TMEM235: variants seen among roughly 807,000 people sequenced by gnomAD.
The protein encoded by TMEM235 is claudin-27.
Under a neutral mutation model 22.9 loss-of-function variants are expected in TMEM235, and 23 were observed. The ratio of observed to expected loss-of-function variants is 1.00; its 90% confidence interval spans 0.72 to 1.42. The LOEUF is 1.42. TMEM235 is among the 40% of genes most tolerant of loss of function. The pLI, the probability that TMEM235 is intolerant of heterozygous loss-of-function variation, is 0.00. For missense variants in TMEM235, 308 were observed against 299.5 expected, an observed-to-expected ratio of 1.03 and a Z score of -0.21; for synonymous variants, 137 against 140.5, an observed-to-expected ratio of 0.98 and a Z score of 0.17.
At chr17:78,232,923 G>A (rs982195254) in intron 2 of TMEM235, among the ~76,000 whole-genome samples, 1 of 152,216 alleles carries the variant, frequency 6.6e-6, no homozygotes, top group Admixed American at 6.5e-5. Flanking sequence ...GTGAGTGTAT[G>A]TAGTTGTGTG....
chr17:78,231,550 A>G, exon 2 of TMEM235: 1 of 1,303,788 alleles, frequency 7.7e-7, no homozygotes, highest in Non-Finnish European at 1.0e-6. Context: ...CTATGCTTCC[A>G]GGAGCACGGG....
At chr17:78,231,863 C>G (rs2076583517) in exon 2 of TMEM235, 5 of 1,146,266 alleles carry the variant, frequency 4.4e-6, no homozygotes, top group Non-Finnish European at 5.5e-6. Flanking sequence ...CCCCAGGGGG[C>G]CCGCGAGGCC....
chr17:78,232,270 C>A, intron 2 of TMEM235, 57 bp downstream of exon 1: 2 of 1,380,930 alleles, frequency 1.4e-6, no homozygotes, highest in South Asian at 3.1e-5. Context: ...TCCGACACCC[C>A]CTTAACCCCG....
In TMEM235 at chr17:78,231,621, TC is replaced by T; in HGVS notation, c.-401del. On this transcript the variant is annotated 5_prime_UTR_variant, in exon 2 of 6. Coordinates refer to ENST00000421688, the Ensembl canonical transcript of TMEM235. ...GGGTCGGTCTCTGGCCGATCCTCCC[TC>T]CTCCTCTCAAGCCCTGCACAGCCCG... 1 of 1,303,424 alleles carries T rather than the reference TC, an allele frequency of 7.7e-7. No homozygotes were observed. The highest frequency in any genetic ancestry group is 2.3e-5 in the Admixed American group (1 of 43,428). 80.7% of individuals were successfully genotyped at this position (1,303,424 alleles called of 1,614,324 possible).
At chr17:78,239,819 C>T in exon 6 of TMEM235, 1 of 1,551,076 alleles carries the variant, frequency 6.4e-7, no homozygotes, top group Non-Finnish European at 8.7e-7. Flanking sequence ...GGGACCCACC[C>T]AGATCGCCTG....
In TMEM235 at chr17:78,232,184, C is replaced by A. The variant is rs1248404854; in HGVS notation, c.161C>A (p.Ser54Ter). 1.7e-5 allele frequency: 25 copies of A among 1,493,022 alleles called. No individual in the cohort carries two copies. Among genetic ancestry groups the A allele is most frequent in the Admixed American group, 2.2e-5 (1 of 45,750 alleles). 92.5% of individuals were successfully genotyped at this position (1,493,022 alleles called of 1,614,324 possible). A position where few individuals can be genotyped will look rare whatever the true frequency, so the allele number is the denominator to read the frequency against. ...CCCGGGCGCGCAGAGCTGCTCTCCTCGCACTCGGGGCTCTGGCGCATCTGC... is the reference window on the plus strand; with the variant it reads ...CCCGGGCGCGCAGAGCTGCTCTCCTAGCACTCGGGGCTCTGGCGCATCTGC... Residue 54 changes from serine (S) to a stop codon, truncating the protein, a stop_gained, in exon 2 of 6, where the codon TCG becomes TAG. Transcript: ENST00000421688. LOFTEE classifies it high-confidence loss of function.
In TMEM235 at chr17:78,238,085, C is replaced by T. The variant is rs755204416; in HGVS notation, c.410-939C>T. 6.6e-6 allele frequency among the ~76,000 whole-genome samples: 1 copy of T among 152,224 alleles called. No individual in the cohort carries two copies. Among genetic ancestry groups the T allele is most frequent in the Non-Finnish European group, 1.5e-5 (1 of 68,034 alleles). On this transcript the variant is annotated intron_variant, in intron 4 of 5. Transcript: ENST00000421688. The surrounding 1 kb of genome is among the most constrained non-coding windows in gnomAD (Gnocchi z 4.3). ...CCACCTGCCCCCCTGGCTAACATTC[C>T]CTACAGTCGGCGCCAAGGACAGGCT... is the stretch of plus-strand genomic sequence containing the variant.
At chr17:78,239,300 C>A in intron 5 of TMEM235, 27 bp downstream of exon 4, 1 of 1,530,884 alleles carries the variant, frequency 6.5e-7, no homozygotes, top group Non-Finnish European at 8.7e-7. Context: ...TTTCCCTTTG[C>A]ACCTCCCGGG....
rs969734161 is a variant in TMEM235, at chr17:78,232,347, G to A, written c.190+134G>A. 4.7e-5 allele frequency: 41 copies of A among 873,050 alleles called. No individual in the cohort carries two copies. In the Admixed American group the frequency reaches 1.4e-3, roughly 30 times the overall value. The allele number at this position is 873,050 out of a possible 1,614,324, so 54.1% of individuals were successfully genotyped here. ...TCTCTTGCATCCCGCTCTGCCCCAG[G>A]GTGTCTCTCCGCTCCCTCCCCATCA... On this transcript the variant is annotated intron_variant, in intron 2 of 5. Transcript: ENST00000421688.
At position 78,234,056 on chromosome 17, in the gene TMEM235, C is replaced by T. The variant is rs185485311; in HGVS notation, c.271+81C>T. 167 of 1,245,754 alleles carry T rather than the reference C, an allele frequency of 1.3e-4. 1 individual carries two copies. The African/African-American group carries it at 1.7e-3, about 12-fold the overall frequency. The allele number at this position is 1,245,754 out of a possible 1,614,324, so 77.2% of individuals were successfully genotyped here. ...ATCCCAGCCATCCCCATCCCCATCCCGCAGCACTGCTTCCACTGCCCCTGC... is the reference window on the plus strand; with the variant it reads ...ATCCCAGCCATCCCCATCCCCATCCTGCAGCACTGCTTCCACTGCCCCTGC... On this transcript the variant is annotated intron_variant, in intron 3 of 5. Coordinates refer to ENST00000421688, the Ensembl canonical transcript of TMEM235.
Position 78,237,777 on chromosome 17 carries a change from T to C in TMEM235, c.410-1247T>C, listed in dbSNP as rs2076660321. Among the ~76,000 whole-genome samples the C allele has an allele frequency of 6.6e-6, 1 of 152,146 alleles. No homozygotes were observed. The highest frequency in any genetic ancestry group is 1.5e-5 in the Non-Finnish European group (1 of 68,008). On this transcript the variant is annotated intron_variant, in intron 4 of 5. Transcript: ENST00000421688. This position sits in a 1 kb window ranked among gnomAD's most constrained non-coding sequence, Gnocchi z 4.7. ...CACATTCTTCCCCAAAATAAATCCA[T>C]AATTTCTGTTGCTACGCTGCCCAGC...
At chr17:78,236,092 A>G (rs907142202) in intron 4 of TMEM235, among the ~76,000 whole-genome samples, 14 of 152,182 alleles carry the variant, frequency 9.2e-5, no homozygotes, top group Non-Finnish European at 1.6e-4. Context: ...ACCAAACCCT[A>G]GCACCGTGAT....
chr17:78,233,210 C>T (rs991276185), intron 2 of TMEM235, among the ~76,000 whole-genome samples: 1 of 152,214 alleles, frequency 6.6e-6, no homozygotes, highest in Non-Finnish European at 1.5e-5. Flanking sequence ...AGTATGTATG[C>T]CCACATGACA....
chr17:78,238,550 CTGTGTGTG>C lies in TMEM235; in HGVS notation c.410-445_410-438del, dbSNP rs55893266. ...GCTGCTGCCAGCAGAGGCCATGGCTCTGTGTGTGTGTGTGTGTGTGTGTGTGTGTGTGT... is the reference window on the plus strand; with the variant it reads ...GCTGCTGCCAGCAGAGGCCATGGCTCTGTGTGTGTGTGTGTGTGTGTGTGT... On this transcript the variant is annotated intron_variant, in intron 4 of 5. Transcript: ENST00000421688. This position sits in a 1 kb window ranked among gnomAD's most constrained non-coding sequence, Gnocchi z 4.3. Among the ~76,000 whole-genome samples, 322 of 138,320 alleles carry C rather than the reference CTGTGTGTG, an allele frequency of 2.3e-3. 1 individual carries two copies. Among genetic ancestry groups the C allele is most frequent in the African/African-American group, 4.8e-3 (180 of 37,172 alleles). 90.7% of individuals were successfully genotyped at this position (138,320 alleles called of 152,430 possible).
exon 2 of TMEM235, chr17:78,232,191 G>A: frequency 6.7e-7 from 1 of 1,485,972 alleles, no homozygotes; most frequent in Non-Finnish European, 8.9e-7. Context: ...CCTCGCACTC[G>A]GGGCTCTGGC....
chr17:78,235,058 C>T (rs978850149), intron 4 of TMEM235, among the ~76,000 whole-genome samples: 2 of 152,172 alleles, frequency 1.3e-5, no homozygotes, highest in African/African-American at 4.8e-5. Context: ...AGTTCAAGAC[C>T]AGCCTGACCA....
intron 2 of TMEM235, 73 bp downstream of exon 1, chr17:78,232,286 C>A: frequency 7.5e-7 from 1 of 1,327,580 alleles, no homozygotes; most frequent in Non-Finnish European, 9.7e-7. Flanking sequence ...CCCCGCCCTG[C>A]TCGTGTTGCC....
exon 6 of TMEM235, chr17:78,240,156 A>T: frequency 1.9e-6 from 2 of 1,033,116 alleles, no homozygotes; most frequent in South Asian, 1.7e-5. Context: ...TGCCACTGTG[A>T]GTGCCCTGGT....
At chr17:78,239,914 G>A (rs949547226) in exon 6 of TMEM235, 2 of 1,551,224 alleles carry the variant, frequency 1.3e-6, no homozygotes, top group African/African-American at 1.4e-5. Flanking sequence ...TGGTGGAGAA[G>A]AGGCTGATGA....
Sources: allele counts gnomAD v4.1 joint callset (sites outside exome capture counted in the v4.1 genomes callset), GRCh38; gene constraint gnomAD v4.1.1; non-coding constraint Gnocchi (gnomAD v3.1); transcripts MANE v1.5; gene names NCBI Gene and HGNC (gene_info 2026-07-23, HGNC 2026-07-21).